Variants in TG observed in about 807,000 individuals in gnomAD.
The protein encoded by TG is thyroid hormones.
A neutral mutation model predicts 324.7 loss-of-function variants in TG; 270 were observed. The observed-to-expected ratio is 0.83, with a 90% CI of 0.75 to 0.92. TG has a LOEUF of 0.92. Ranked by LOEUF, TG falls within the 40% of genes least tolerant of loss-of-function variation. TG has a pLI of 0.00. For synonymous variants in TG, 1,401 were observed against 1,327.0 expected, an observed-to-expected ratio of 1.06 and a Z score of -1.21; for missense variants, 3,591 against 3,456.4, an observed-to-expected ratio of 1.04 and a Z score of -0.98.
At chr8:132,896,531 A>G (rs918842206) in intron 11 of TG, among the ~76,000 whole-genome samples, 9 of 152,102 alleles carry the variant, frequency 5.9e-5, no homozygotes, top group South Asian at 4.1e-4. Flanking sequence ...AGGAGCCCCA[A>G]CCTGCCCCAA....
chr8:133,041,744 T>C (rs904363111), intron 41 of TG, among the ~76,000 whole-genome samples: 1 of 151,114 alleles, frequency 6.6e-6, no homozygotes, highest in African/African-American at 2.4e-5. Flanking sequence ...GCTAGCCTCG[T>C]ACCCTGGATC....
intron 27 of TG, among the ~76,000 whole-genome samples, chr8:132,951,145 C>T (rs1349454257): frequency 6.6e-6 from 1 of 152,112 alleles, no homozygotes; most frequent in South Asian, 2.1e-4. Context: ...ATGATGTTAT[C>T]ATTATTTTTT....
chr8:132,981,788 G>A (rs1830886519), intron 34 of TG, among the ~76,000 whole-genome samples: 1 of 152,206 alleles, frequency 6.6e-6, no homozygotes, highest in Admixed American at 6.5e-5. Flanking sequence ...GCCAAAGTTT[G>A]AGATCTGGTG....
At position 132,946,990 on chromosome 8, in the gene TG, A is replaced by C. The variant is rs562869459; in HGVS notation, c.5234-1786A>C. On this transcript the variant is annotated intron_variant, in intron 26 of 47. Coordinates refer to ENST00000220616, the MANE Select transcript of TG (RefSeq NM_003235.5). ...CATTCTGTTTCCTGGCTTTCAAGTG[A>C]GCCAGACCACAGTGATCAGCCTTCC... is the stretch of plus-strand genomic sequence containing the variant. Among the ~76,000 whole-genome samples, 77 of 152,238 alleles carry C rather than the reference A, an allele frequency of 5.1e-4. 1 individual carries two copies. Among genetic ancestry groups the C allele is most frequent in the Non-Finnish European group, 5.9e-4 (40 of 68,018 alleles).
chr8:133,029,805 TTCC>T lies in TG; in HGVS notation c.7037-13_7037-11del. ...GTAAAGTCACAAAGGATAAAAGGCT[TTCC>T]TCTTTTCTGAAGGGTCCGGAGAGGT... On this transcript the variant is annotated splice_polypyrimidine_tract_variant and intron_variant, in intron 40 of 47. Transcript: ENST00000220616. 6.2e-7 allele frequency: 1 copy of T among 1,614,044 alleles called. No individual in the cohort carries two copies.
At chr8:132,953,774 A>G (rs1458734793) in intron 27 of TG, among the ~76,000 whole-genome samples, 1 of 152,206 alleles carries the variant, frequency 6.6e-6, no homozygotes, top group Non-Finnish European at 1.5e-5. Context: ...TTCTCCAGAG[A>G]GAAATCCACT....
intron 8 of TG, 192 bp downstream of exon 8, chr8:132,883,191 C>G (rs1447630173): frequency 3.2e-6 from 2 of 632,916 alleles, no homozygotes; most frequent in Admixed American, 3.0e-5. Context: ...TGTGTCAGAC[C>G]TCGTTGCATT....
At chr8:132,890,041 C>T (rs1295539246) in intron 10 of TG, among the ~76,000 whole-genome samples, 1 of 152,078 alleles carries the variant, frequency 6.6e-6, no homozygotes, top group Non-Finnish European at 1.5e-5. Flanking sequence ...CACAGCCTCC[C>T]AAAGTGCTGG....
At chr8:133,051,126 C>A (rs2252706) in intron 41 of TG, among the ~76,000 whole-genome samples, 1 of 152,178 alleles carries the variant, frequency 6.6e-6, no homozygotes, top group South Asian at 2.1e-4. Context: ...TGACATGCTC[C>A]TATTCTTAAG....
intron 26 of TG, among the ~76,000 whole-genome samples, 197 bp downstream of exon 26, chr8:132,941,739 C>T (rs948372212): frequency 6.6e-6 from 1 of 152,174 alleles, no homozygotes; most frequent in Non-Finnish European, 1.5e-5. Flanking sequence ...TGTGCTGGCC[C>T]CTTCACCTTG....
At chr8:133,120,678 G>A (rs1213925614) in intron 45 of TG, among the ~76,000 whole-genome samples, 1 of 152,172 alleles carries the variant, frequency 6.6e-6, no homozygotes, top group Non-Finnish European at 1.5e-5. Flanking sequence ...ATATTGGTTA[G>A]GGCCCACACT....
At position 133,113,208 on chromosome 8, in the gene TG, G is replaced by C. The variant is rs145748977; in HGVS notation, c.7573-214G>C. 4.5e-4 allele frequency among the ~76,000 whole-genome samples: 69 copies of C among 152,262 alleles called. No homozygotes were observed. In the East Asian group the frequency reaches 0.011, roughly 25 times the overall value. ...GCACTCCCATTTTCAGATGGGGAAG[G>C]CAGGCACAGAGAGGGATAGCCATTT... On this transcript the variant is annotated intron_variant, in intron 43 of 47. Coordinates refer to ENST00000220616, the MANE Select transcript of TG (RefSeq NM_003235.5).
At chr8:132,912,449 G>A (rs570264581) in intron 19 of TG, among the ~76,000 whole-genome samples, 4 of 152,182 alleles carry the variant, frequency 2.6e-5, no homozygotes, top group South Asian at 2.1e-4. Flanking sequence ...CTATGTGCAC[G>A]GATCTGCCCC....
At chr8:132,870,719 CA>C (rs1839408669) in intron 3 of TG, among the ~76,000 whole-genome samples, 1 of 152,036 alleles carries the variant, frequency 6.6e-6, no homozygotes, top group African/African-American at 2.4e-5. Flanking sequence ...TGCTTCCACT[CA>C]TGGTACAAGG....
At chr8:133,077,667 A>C (rs1304208502) in intron 41 of TG, among the ~76,000 whole-genome samples, 1 of 152,104 alleles carries the variant, frequency 6.6e-6, no homozygotes, top group African/African-American at 2.4e-5. Context: ...CTCTGTTTTC[A>C]GTAACCCCAA....
chr8:132,923,199 A>G, intron 21 of TG, 139 bp from the exon 22 acceptor site: 2 of 963,202 alleles, frequency 2.1e-6, no homozygotes, highest in Admixed American at 2.0e-5. Flanking sequence ...AACAGTGGGA[A>G]CACTGAAGAG....
intron 28 of TG, among the ~76,000 whole-genome samples, chr8:132,961,662 G>A (rs1827778579): frequency 6.6e-6 from 1 of 152,170 alleles, no homozygotes; most frequent in South Asian, 2.1e-4. Flanking sequence ...GGGGAGAGAC[G>A]AGAGGCACAG....
chr8:133,050,173 G>T, intron 41 of TG: 2 of 608,530 alleles, frequency 3.3e-6, no homozygotes, highest in Non-Finnish European at 5.9e-6. Context: ...TATGTGTCCA[G>T]TGGATAGCCC....
At chr8:133,128,093 T>G (rs1007384100) in intron 45 of TG, among the ~76,000 whole-genome samples, 1 of 152,190 alleles carries the variant, frequency 6.6e-6, no homozygotes, top group Non-Finnish European at 1.5e-5. Context: ...TACCTACCTA[T>G]CTATCGTACA....
Sources: allele counts gnomAD v4.1 joint callset (sites outside exome capture counted in the v4.1 genomes callset), GRCh38; gene constraint gnomAD v4.1.1; transcripts MANE v1.5; gene names NCBI Gene and HGNC (gene_info 2026-07-23, HGNC 2026-07-21).